The following CDH12 variants were observed in gnomAD, a reference collection of about 807,000 sequenced individuals.
The protein encoded by CDH12 is cadherin-12.
A neutral mutation model predicts 74.1 loss-of-function variants in CDH12; 41 were observed. The ratio of observed to expected loss-of-function variants is 0.55; its 90% CI spans 0.43 to 0.72. The LOEUF is 0.72. Ranked by LOEUF, CDH12 falls within the 30% of genes least tolerant of loss-of-function variation. CDH12 has a pLI of 0.00. For missense variants in CDH12, 945 were observed against 977.2 expected (o/e 0.97, Z 0.44); for synonymous variants, 399 against 355.0 (o/e 1.12, Z -1.39).
intron 1 of CDH12, chr5:22,580,322 G>GT: frequency 2.3e-6 from 1 of 433,166 alleles, no homozygotes; most frequent in East Asian, 7.1e-5. Context: ...CAAACAAGTG[G>GT]TGCTTGCACA....
At chr5:21,789,772 A>G (rs766558156) in intron 10 of CDH12, among the ~76,000 whole-genome samples, 53 of 152,164 alleles carry the variant, frequency 3.5e-4, no homozygotes, top group Non-Finnish European at 5.7e-4. Context: ...GTTGGAAAAT[A>G]TAGCACAGCT....
At chr5:22,619,408 T>C (rs1737857756) in intron 1 of CDH12, among the ~76,000 whole-genome samples, 1 of 152,156 alleles carries the variant, frequency 6.6e-6, no homozygotes, top group African/African-American at 2.4e-5. Context: ...TAGTAAACAC[T>C]GACTAGAGTC....
intron 1 of CDH12, among the ~76,000 whole-genome samples, chr5:22,529,219 AG>A (rs1485607439): frequency 1.4e-5 from 2 of 143,754 alleles, no homozygotes; most frequent in Admixed American, 7.0e-5. Flanking sequence ...AGAGAGAGAG[AG>A]AGAGAAGAGA....
chr5:22,360,803 C>T (rs1385679653), intron 3 of CDH12, among the ~76,000 whole-genome samples: 1 of 152,052 alleles, frequency 6.6e-6, no homozygotes, highest in Non-Finnish European at 1.5e-5. Flanking sequence ...CGTAATCCAG[C>T]AAATAAACAG....
intron 3 of CDH12, among the ~76,000 whole-genome samples, chr5:22,360,852 C>T (rs1275678380): frequency 6.6e-6 from 1 of 152,136 alleles, no homozygotes; most frequent in African/African-American, 2.4e-5. Flanking sequence ...TCAATAGATG[C>T]AGAAAAGGCC....
intron 1 of CDH12, among the ~76,000 whole-genome samples, chr5:22,778,495 A>C (rs1184469323): frequency 2.0e-5 from 3 of 152,158 alleles, no homozygotes; most frequent in Non-Finnish European, 4.4e-5. Context: ...CTCTATGAAA[A>C]GGGGCTCAGC....
In CDH12 at chr5:21,965,451, C is replaced by A. The variant is rs1339417059; in HGVS notation, c.526+9640G>T. Among the ~76,000 whole-genome samples, 5 of 152,038 alleles carry A rather than the reference C, an allele frequency of 3.3e-5. No homozygotes were observed. The East Asian group carries it at 7.7e-4, about 23-fold the overall frequency. On this transcript the variant is annotated intron_variant, in intron 6 of 14. Transcript: ENST00000382254. ...AGCATTTCATGAAATTATCCCATTA[C>A]AATGTTTTTCTCAGAGGCAAAATTA...
chr5:22,607,605 G>A (rs962752177), intron 1 of CDH12, among the ~76,000 whole-genome samples: 2 of 152,164 alleles, frequency 1.3e-5, no homozygotes, highest in East Asian at 1.9e-4. Flanking sequence ...CCCACAACAC[G>A]TGGGCATTCT....
chr5:22,738,572 G>A (rs1269393772), intron 1 of CDH12, among the ~76,000 whole-genome samples: 1 of 151,854 alleles, frequency 6.6e-6, no homozygotes, highest in Non-Finnish European at 1.5e-5. Flanking sequence ...AGCTTTGTAG[G>A]GGATTTGGAG....
chr5:22,756,842 C>A (rs1037273618), intron 1 of CDH12, among the ~76,000 whole-genome samples: 1 of 151,918 alleles, frequency 6.6e-6, no homozygotes, highest in African/African-American at 2.4e-5. Context: ...TGCCTGTAAT[C>A]CCAACTACTC....
At chr5:21,948,472 C>A (rs1411867627) in intron 6 of CDH12, among the ~76,000 whole-genome samples, 1 of 152,172 alleles carries the variant, frequency 6.6e-6, no homozygotes, top group Admixed American at 6.5e-5. Context: ...ACTAATTTCT[C>A]CAATTTGGAA....
intron 1 of CDH12, among the ~76,000 whole-genome samples, chr5:22,613,613 T>C (rs1399978841): frequency 6.6e-6 from 1 of 152,146 alleles, no homozygotes; most frequent in Non-Finnish European, 1.5e-5. Flanking sequence ...ACGTGCTGTT[T>C]CCAAAGTGTT....
intron 1 of CDH12, among the ~76,000 whole-genome samples, chr5:22,823,216 C>T (rs2126480961): frequency 7.5e-6 from 1 of 133,758 alleles, no homozygotes; most frequent in South Asian, 2.4e-4. Flanking sequence ...GGGAACATCA[C>T]ACTCCGGGGA....
intron 4 of CDH12, among the ~76,000 whole-genome samples, chr5:22,193,466 A>C (rs1750420981): frequency 1.3e-5 from 2 of 152,184 alleles, no homozygotes; most frequent in Admixed American, 6.5e-5. Context: ...TTTCCTAGGC[A>C]TTGAGGAGTA....
intron 4 of CDH12, among the ~76,000 whole-genome samples, chr5:22,163,773 A>G (rs1748500385): frequency 6.6e-6 from 1 of 152,176 alleles, no homozygotes; most frequent in Non-Finnish European, 1.5e-5. Flanking sequence ...TCAAGGGTAC[A>G]TATAAATGCA....
At chr5:21,806,098 C>T (rs1028243288) in intron 9 of CDH12, among the ~76,000 whole-genome samples, 3 of 152,100 alleles carry the variant, frequency 2.0e-5, no homozygotes, top group African/African-American at 7.2e-5. Context: ...CTCAATTGTT[C>T]TACAGAGACT....
intron 4 of CDH12, among the ~76,000 whole-genome samples, chr5:22,094,106 T>G (rs1743600054): frequency 6.6e-6 from 1 of 152,168 alleles, no homozygotes; most frequent in Admixed American, 6.5e-5. Flanking sequence ...GCTTTATCTG[T>G]GCTGCAGAGG....
intron 1 of CDH12, among the ~76,000 whole-genome samples, chr5:22,708,142 CTCTT>C (rs1743111682): frequency 6.6e-6 from 1 of 152,118 alleles, no homozygotes; most frequent in Non-Finnish European, 1.5e-5. Context: ...ATTATCAAGA[CTCTT>C]TCCTTCGCTT....
chr5:21,880,663 CTTT>C (rs1752287306), intron 6 of CDH12, among the ~76,000 whole-genome samples: 1 of 123,574 alleles, frequency 8.1e-6, no homozygotes, highest in South Asian at 2.6e-4. Flanking sequence ...TTCTTTCTTT[CTTT>C]CTTTCTTTCT....
Sources: allele counts gnomAD v4.1 joint callset (sites outside exome capture counted in the v4.1 genomes callset), GRCh38; gene constraint gnomAD v4.1.1; transcripts MANE v1.5; gene names NCBI Gene and HGNC (gene_info 2026-07-23, HGNC 2026-07-21).